The following PDE3B variants were observed in gnomAD, a reference collection of about 807,000 sequenced individuals.
PDE3B encodes cGMP-inhibited 3',5'-cyclic phosphodiesterase 3B.
In PDE3B, 66 loss-of-function variants were observed where a neutral mutation model predicts 116.8. That is an observed-to-expected ratio of 0.56 (90% CI 0.46 to 0.69). The LOEUF (loss-of-function observed/expected upper bound fraction) is 0.69. PDE3B is among the 30% of genes least tolerant of loss of function. PDE3B has a pLI of 0.00. For missense variants in PDE3B, 1,384 were observed against 1,368.1 expected (o/e 1.01, Z -0.18); for synonymous variants, 595 against 533.6 (o/e 1.12, Z -1.59).
At chr11:14,681,912 T>A (rs1854721856) in intron 1 of PDE3B, among the ~76,000 whole-genome samples, 1 of 152,058 alleles carries the variant, frequency 6.6e-6, no homozygotes, top group African/African-American at 2.4e-5. Flanking sequence ...AACTTTTGAC[T>A]CCCCCAAACC....
intron 7 of PDE3B, among the ~76,000 whole-genome samples, chr11:14,824,153 A>G (rs1344524471): frequency 6.6e-6 from 1 of 152,206 alleles, no homozygotes; most frequent in Non-Finnish European, 1.5e-5. Context: ...CTGTCAGACC[A>G]CATCAATCAG....
chr11:14,775,833 G>A (rs1424129669), intron 2 of PDE3B: 3 of 152,260 alleles, frequency 2.0e-5, no homozygotes, highest in Admixed American at 2.0e-4. Flanking sequence ...GACCACACTT[G>A]GCCATTTTGT....
intron 1 of PDE3B, among the ~76,000 whole-genome samples, chr11:14,696,210 C>T (rs897223571): frequency 4.6e-5 from 7 of 152,024 alleles, no homozygotes; most frequent in Non-Finnish European, 1.0e-4. Context: ...TTCTGTCTGG[C>T]GTGAGATGGT....
At chr11:14,884,765 T>C in the PDE3B span, among the ~76,000 whole-genome samples, 1 of 152,078 alleles carries the variant, frequency 6.6e-6, no homozygotes, top group Non-Finnish European at 1.5e-5. Context: ...TTAAGTTGAA[T>C]GCTTTATGAT....
intron 1 of PDE3B, among the ~76,000 whole-genome samples, chr11:14,668,044 A>C (rs1488897862): frequency 7.9e-5 from 12 of 151,816 alleles, no homozygotes; most frequent in African/African-American, 9.6e-5. Context: ...AAAAAAAAAA[A>C]GGTTTGAAGC....
intron 5 of PDE3B, among the ~76,000 whole-genome samples, chr11:14,806,666 C>G (rs1275914438): frequency 6.6e-6 from 1 of 150,642 alleles, no homozygotes; most frequent in African/African-American, 2.4e-5. Context: ...GAGACCATCC[C>G]GGCTAAAATG....
At chr11:14,819,820 G>A (rs1859461530) in intron 7 of PDE3B, among the ~76,000 whole-genome samples, 3 of 152,070 alleles carry the variant, frequency 2.0e-5, no homozygotes, top group Admixed American at 2.0e-4. Context: ...TCTGTTGGAA[G>A]ACAGAACTCC....
intron 12 of PDE3B, among the ~76,000 whole-genome samples, chr11:14,845,008 A>C (rs927156899): frequency 6.6e-6 from 1 of 152,202 alleles, no homozygotes; most frequent in Non-Finnish European, 1.5e-5. Context: ...ACGCAGCTGG[A>C]GATCTGAGAA....
intron 7 of PDE3B, among the ~76,000 whole-genome samples, chr11:14,824,558 CT>C (rs1859626372): frequency 6.6e-6 from 1 of 152,030 alleles, no homozygotes. Flanking sequence ...AAGACTGACT[CT>C]CTGAAATAAG....
At chr11:14,708,730 G>C (rs1413283510) in intron 1 of PDE3B, among the ~76,000 whole-genome samples, 1 of 151,786 alleles carries the variant, frequency 6.6e-6, no homozygotes, top group Non-Finnish European at 1.5e-5. Context: ...GGACTAAAAA[G>C]CATGATGTAA....
chr11:14,893,967 G>C, the PDE3B span, among the ~76,000 whole-genome samples: 15 of 152,268 alleles, frequency 9.9e-5, no homozygotes, highest in South Asian at 4.1e-4. Flanking sequence ...AAGGGCAAAG[G>C]CTTCATATAC....
chr11:14,669,009 G>T (rs1007761446), intron 1 of PDE3B, among the ~76,000 whole-genome samples: 1 of 152,086 alleles, frequency 6.6e-6, no homozygotes, highest in Non-Finnish European at 1.5e-5. Context: ...CACTCAAATG[G>T]CTAAAGTAGG....
At position 14,835,532 on chromosome 11, in the gene PDE3B, G is replaced by GT. The variant is rs550836252; in HGVS notation, c.2320+438dup. 2.3e-3 allele frequency among the ~76,000 whole-genome samples: 347 copies of GT among 152,082 alleles called. 3 individuals carry two copies. The highest frequency in any genetic ancestry group is 7.7e-3 in the African/African-American group (321 of 41,498). On this transcript the variant is annotated intron_variant, in intron 11 of 15. Coordinates refer to ENST00000282096, the MANE Select transcript of PDE3B (RefSeq NM_000922.4). The stretch of plus-strand genomic sequence containing the variant: ...AGAACATTTTCAAAAGCCTTGCAAA[G>GT]TATTTCAATGATGACATTAAAAACT...
At chr11:14,737,471 T>A (rs1439162976) in intron 1 of PDE3B, among the ~76,000 whole-genome samples, 1 of 151,788 alleles carries the variant, frequency 6.6e-6, no homozygotes, top group Non-Finnish European at 1.5e-5. Context: ...GTGCTGGGAT[T>A]ACAGGCGTGA....
chr11:14,833,100 C>T (rs533405071), intron 10 of PDE3B, among the ~76,000 whole-genome samples: 167 of 151,970 alleles, frequency 1.1e-3, no homozygotes, highest in African/African-American at 3.9e-3. Flanking sequence ...TACAGGTGCC[C>T]GCCACCACAC....
intron 1 of PDE3B, among the ~76,000 whole-genome samples, chr11:14,703,666 A>G (rs1289701500): frequency 1.3e-5 from 2 of 151,728 alleles, no homozygotes; most frequent in Non-Finnish European, 2.9e-5. Context: ...TTATGAAAAA[A>G]GTTTGTGTTA....
intron 1 of PDE3B, among the ~76,000 whole-genome samples, chr11:14,669,707 C>T (rs902816692): frequency 1.5e-4 from 22 of 150,236 alleles, no homozygotes; most frequent in Non-Finnish European, 3.0e-4. Context: ...TGAGAATATG[C>T]GGTGTTTGGT....
chr11:14,895,387 A>G, the PDE3B span, among the ~76,000 whole-genome samples: 26 of 152,210 alleles, frequency 1.7e-4, no homozygotes, highest in Non-Finnish European at 3.1e-4. Context: ...CTTGTTCGTA[A>G]TGGGTTTTTG....
chr11:14,801,852 AG>A (rs1858779860), intron 4 of PDE3B, among the ~76,000 whole-genome samples: 1 of 152,192 alleles, frequency 6.6e-6, no homozygotes, highest in South Asian at 2.1e-4. Context: ...GAAATCTGGC[AG>A]TCTGGCCTCA....
Sources: allele counts gnomAD v4.1 joint callset (sites outside exome capture counted in the v4.1 genomes callset), GRCh38; gene constraint gnomAD v4.1.1; transcripts MANE v1.5; gene names NCBI Gene and HGNC (gene_info 2026-07-23, HGNC 2026-07-21).